KDM4C: variants seen among roughly 807,000 people sequenced by gnomAD.
The protein encoded by KDM4C is lysine demethylase 4C, also known as lysine-specific demethylase 4C.
In KDM4C, 81 loss-of-function variants were observed where a neutral mutation model predicts 129.3. That is an observed-to-expected ratio of 0.63 (90% confidence interval 0.52 to 0.75). The LOEUF (loss-of-function observed/expected upper bound fraction) is 0.75. Among genes scored for constraint, KDM4C ranks in the 30% least tolerant of loss-of-function variants. The probability of loss-of-function intolerance (pLI) is 0.00; values close to 1 mark genes in which losing one functional copy is unlikely to be tolerated. For missense variants in KDM4C, 1,457 were observed against 1,304.0 expected, an observed-to-expected ratio of 1.12 and a Z score of -1.81; for synonymous variants, 573 against 456.1, an observed-to-expected ratio of 1.26 and a Z score of -3.26.
intron 18 of KDM4C, among the ~76,000 whole-genome samples, chr9:7,122,259 A>ACGCTCTCT (rs1252407890): frequency 1.0e-5 from 1 of 100,452 alleles, no homozygotes; most frequent in African/African-American, 3.6e-5. Flanking sequence ...ACACACACAC[A>ACGCTCTCT]CACACACTCT....
rs371383028 is a variant in KDM4C, at chr9:6,974,423, G to A, written c.922-6502G>A. Reference sequence around the variant, plus strand: ...CGTCCAGGCTGGAGTGCAGTTGTGCGACCGCGGCTCACTGCAACCTACGCC... The same window carrying A: ...CGTCCAGGCTGGAGTGCAGTTGTGCAACCGCGGCTCACTGCAACCTACGCC... On this transcript the variant is annotated intron_variant, in intron 8 of 21. Transcript: ENST00000381309. Among the ~76,000 whole-genome samples the A allele has an allele frequency of 6.6e-5, 10 of 152,234 alleles. No individual in the cohort carries two copies. In the East Asian group the frequency reaches 7.7e-4, roughly 12 times the overall value.
chr9:7,072,521 A>G (rs971384736), intron 17 of KDM4C, among the ~76,000 whole-genome samples: 19 of 152,210 alleles, frequency 1.2e-4, no homozygotes, highest in African/African-American at 4.6e-4. Flanking sequence ...TGCCTGACTC[A>G]AAAGGCTCCG....
intron 5 of KDM4C, among the ~76,000 whole-genome samples, chr9:6,875,638 T>G (rs1336903050): frequency 6.6e-6 from 1 of 152,224 alleles, no homozygotes; most frequent in African/African-American, 2.4e-5. Context: ...TCTTCCCTTC[T>G]CTTTTATCCT....
intron 15 of KDM4C, among the ~76,000 whole-genome samples, chr9:7,016,644 TTGAACTCCTGACCTCATTTGATCCACC>T (rs1471855467): frequency 6.6e-6 from 1 of 151,634 alleles, no homozygotes; most frequent in Non-Finnish European, 1.5e-5. Flanking sequence ...CAGGCTGGTC[TTGAACTCCTGACCTCATTTGATCCACC>T]TGCCTCGGCC....
intron 18 of KDM4C, among the ~76,000 whole-genome samples, chr9:7,122,795 A>T (rs1256565827): frequency 1.3e-5 from 2 of 151,818 alleles, no homozygotes; most frequent in Non-Finnish European, 2.9e-5. Flanking sequence ...CTGTTGGTTC[A>T]TTTCTGCTTA....
At chr9:6,869,120 T>G (rs1425339112) in intron 5 of KDM4C, among the ~76,000 whole-genome samples, 1 of 152,198 alleles carries the variant, frequency 6.6e-6, no homozygotes, top group Admixed American at 6.5e-5. Context: ...TAAAAAGAAC[T>G]GCCCAACTTT....
chr9:7,148,755 AAGTGGGTAG>A (rs1842449407), intron 19 of KDM4C, among the ~76,000 whole-genome samples: 1 of 152,176 alleles, frequency 6.6e-6, no homozygotes, highest in Non-Finnish European at 1.5e-5. Context: ...AGGAGACCTG[AAGTGGGTAG>A]CTCCTATCCA....
At chr9:7,017,627 C>T in intron 15 of KDM4C, among the ~76,000 whole-genome samples, 1 of 152,170 alleles carries the variant, frequency 6.6e-6, no homozygotes, top group East Asian at 1.9e-4. Flanking sequence ...GGAATCAGAA[C>T]ATTCTTGAAA....
chr9:7,082,466 T>C (rs1834643680), intron 17 of KDM4C, among the ~76,000 whole-genome samples: 1 of 152,148 alleles, frequency 6.6e-6, no homozygotes, highest in Admixed American at 6.5e-5. Context: ...TCCAGAGCCT[T>C]TCAGTTTGGG....
rs751600103 is a variant in KDM4C, at chr9:7,059,817, A to G, written c.2424+10617A>G. Among the ~76,000 whole-genome samples the G allele has an allele frequency of 2.5e-4, 38 of 152,352 alleles. No homozygotes were observed. In the Middle Eastern group the frequency reaches 0.01, roughly 41 times the overall value. ...TGTTTTAGAAAATATGGTTATTTTCATAAAAATATTTTACTATGTAATGGG... is the reference window on the plus strand; with the variant it reads ...TGTTTTAGAAAATATGGTTATTTTCGTAAAAATATTTTACTATGTAATGGG... On this transcript the variant is annotated intron_variant, in intron 17 of 21. Coordinates refer to ENST00000381309, the MANE Select transcript of KDM4C (RefSeq NM_015061.6).
intron 17 of KDM4C, among the ~76,000 whole-genome samples, chr9:7,075,489 T>A (rs1037058424): frequency 1.3e-5 from 2 of 152,158 alleles, no homozygotes; most frequent in African/African-American, 4.8e-5. Context: ...AGTTAGCTCC[T>A]GAGAGAGTTT....
intron 17 of KDM4C, among the ~76,000 whole-genome samples, chr9:7,079,985 G>A (rs1179545072): frequency 6.6e-6 from 1 of 151,964 alleles, no homozygotes; most frequent in Non-Finnish European, 1.5e-5. Flanking sequence ...TACAGGCTTT[G>A]AGGGCAAGTC....
chr9:6,822,249 A>G (rs997355882), intron 4 of KDM4C, among the ~76,000 whole-genome samples: 1 of 152,192 alleles, frequency 6.6e-6, no homozygotes, highest in Admixed American at 6.5e-5. Context: ...TTTAGTTGTG[A>G]CAGATTATAT....
intron 5 of KDM4C, among the ~76,000 whole-genome samples, chr9:6,866,132 G>T (rs1213238328): frequency 6.6e-6 from 1 of 151,438 alleles, no homozygotes; most frequent in African/African-American, 2.4e-5. Flanking sequence ...TGATCCACCT[G>T]CCTTGGCCTC....
At chr9:6,936,170 C>T (rs772451556) in intron 8 of KDM4C, among the ~76,000 whole-genome samples, 10 of 152,008 alleles carry the variant, frequency 6.6e-5, no homozygotes, top group Non-Finnish European at 8.8e-5. Flanking sequence ...CATAAACAAA[C>T]AATATAAAAA....
chr9:7,021,562 C>G (rs1287066102), intron 15 of KDM4C, among the ~76,000 whole-genome samples: 2 of 152,120 alleles, frequency 1.3e-5, no homozygotes, highest in Non-Finnish European at 1.5e-5. Context: ...CTAGTTATTA[C>G]TCCTTTGTCA....
chr9:7,017,817 C>T (rs1444361724), intron 15 of KDM4C, among the ~76,000 whole-genome samples: 2 of 152,082 alleles, frequency 1.3e-5, no homozygotes, highest in Non-Finnish European at 2.9e-5. Flanking sequence ...ATAAAGAATA[C>T]GCCTTATATG....
chr9:7,094,653 C>T (rs1050787073), intron 17 of KDM4C, among the ~76,000 whole-genome samples: 1 of 152,196 alleles, frequency 6.6e-6, no homozygotes, highest in East Asian at 1.9e-4. Context: ...GTTAACTCTT[C>T]TCACAGCTGC....
Position 7,128,242 on chromosome 9 carries a change from T to C in KDM4C, c.2781+6T>C, listed in dbSNP as rs1449732683. 6.4e-7 allele frequency: 1 copy of C among 1,565,124 alleles called. No individual in the cohort carries two copies. Among genetic ancestry groups the C allele is most frequent in the South Asian group, 1.2e-5 (1 of 83,848 alleles). Reference sequence around the variant, plus strand: ...CATTTCCTGAGGATATCGTGGTAAGTAGGCTTCCTTGAGTGCCTGCTACCC... The same window carrying C: ...CATTTCCTGAGGATATCGTGGTAAGCAGGCTTCCTTGAGTGCCTGCTACCC... On this transcript the variant is annotated splice_donor_region_variant and intron_variant, in intron 19 of 21. Transcript: ENST00000381309.
Sources: allele counts gnomAD v4.1 joint callset (sites outside exome capture counted in the v4.1 genomes callset), GRCh38; gene constraint gnomAD v4.1.1; transcripts MANE v1.5; gene names NCBI Gene and HGNC (gene_info 2026-07-23, HGNC 2026-07-21).